Variants in TIGD6 observed in about 807,000 individuals in gnomAD.
TIGD6 encodes tigger transposable element derived 6, also known as tigger transposable element-derived protein 6.
In TIGD6, 1 loss-of-function variant was observed where a neutral mutation model predicts 2.6. The ratio of observed to expected loss-of-function variants is 0.39; its 90% CI spans 0.14 to 1.85. The LOEUF (loss-of-function observed/expected upper bound fraction) is 1.85, where lower values mean the gene tolerates loss of function less well. Ranked by LOEUF, TIGD6 falls within the 40% of genes most tolerant of loss-of-function variation. The probability of loss-of-function intolerance (pLI) is 0.32; values close to 1 mark genes in which losing one functional copy is unlikely to be tolerated. For missense variants in TIGD6, 601 were observed against 634.2 expected (o/e 0.95, Z 0.56); for synonymous variants, 193 against 221.9 (o/e 0.87, Z 1.16).
At chr5:149,998,344 C>CT (rs965341555) in intron 1 of TIGD6, among the ~76,000 whole-genome samples, 39 of 148,442 alleles carry the variant, frequency 2.6e-4, no homozygotes, top group Non-Finnish European at 4.5e-4. Context: ...TCTTTTTTTC[C>CT]TTTTTTTTTT....
chr5:149,996,236 C>A lies in TIGD6; in HGVS notation c.113G>T (p.Gly38Val). Residue 38 changes from glycine to valine, a missense_variant, in exon 2 of 2, where the codon GGT (glycine) becomes GTT (valine). By Grantham distance (109) the Gly-to-Val change is moderately radical. Transcript: ENST00000296736. The stretch of plus-strand genomic sequence containing the variant: ...TGTAGATAAAGTAGAGGGAGTGATA[C>A]CAAATTCTTTTGCCACATCACCTTT... ...KRKGDVAKEF[G>V]ITPSTLSTFL... 6.2e-7 allele frequency: 1 copy of A among 1,614,138 alleles called. No individual in the cohort carries two copies. The highest frequency in any genetic ancestry group is 8.5e-7 in the Non-Finnish European group (1 of 1,180,044).
rs1482005946 is a variant in TIGD6, at chr5:149,998,261, G to A, written c.-81-1832C>T. ...GTGGAAAATGGATCAAAGAGGCAAA[G>A]AGACCAATTAGGTGACAGATTATGG... On this transcript the variant is annotated intron_variant, in intron 1 of 1. Coordinates refer to ENST00000296736, the MANE Select transcript of TIGD6 (RefSeq NM_030953.4). Among the ~76,000 whole-genome samples the A allele has an allele frequency of 3.3e-5, 5 of 152,226 alleles. No homozygotes were observed. In the East Asian group the frequency reaches 7.7e-4, roughly 23 times the overall value.
Position 149,994,754 on chromosome 5 carries a change from A to T in TIGD6, c.*29T>A. The T allele has an allele frequency of 6.7e-7, 1 of 1,492,600 alleles. No individual in the cohort carries two copies. 92.5% of individuals were successfully genotyped at this position (1,492,600 alleles called of 1,614,324 possible). A position where few individuals can be genotyped will look rare whatever the true frequency, so the allele number is the denominator to read the frequency against. ...ATCTAAAGAAATCTTTATTCTTGTA[A>T]ACTACATTTTCTGAAATAAATTCCT... On this transcript the variant is annotated 3_prime_UTR_variant, in exon 2 of 2. Coordinates refer to ENST00000296736, the MANE Select transcript of TIGD6 (RefSeq NM_030953.4).
At chr5:149,998,295 A>G (rs1251169402) in intron 1 of TIGD6, among the ~76,000 whole-genome samples, 2 of 152,144 alleles carry the variant, frequency 1.3e-5, no homozygotes, top group African/African-American at 4.8e-5. Context: ...GGCAGAAGTG[A>G]TGGGCAGGTT....
At chr5:150,000,236 C>T in intron 1 of TIGD6, 1 of 154,464 alleles carries the variant, frequency 6.5e-6, no homozygotes, top group Non-Finnish European at 1.5e-5. Flanking sequence ...TATTCGTGGG[C>T]CAGTGGGAGA....
rs1369162794 is a variant in TIGD6 at position 149,995,783 on chromosome 5, G to A, written c.566C>T (p.Pro189Leu). ...TCCTTTAGCAGCAAGTGTGTGCTGGGGAAGCAACTGGAAAAACACTCCTGT... is the reference window on the plus strand; with the variant it reads ...TCCTTTAGCAGCAAGTGTGTGCTGGAGAAGCAACTGGAAAAACACTCCTGT... The part of the protein sequence containing the change: ...DETGVFFQLL[P>L]QHTLAAKGDH... Residue 189 changes from proline to leucine, a missense_variant, in exon 2 of 2, where the codon CCC becomes CTC. By Grantham distance (98) the Pro-to-Leu change is moderately conservative (BLOSUM62 -3). Transcript: ENST00000296736. The A allele has an allele frequency of 2.5e-6, 4 of 1,614,174 alleles. No individual in the cohort carries two copies. The highest frequency in any genetic ancestry group is 8.5e-7 in the Non-Finnish European group (1 of 1,180,028).
In TIGD6 at chr5:149,994,954, G is replaced by A. The variant is rs779531027; in HGVS notation, c.1395C>T (p.Thr465=). ...EVSLPEQPKV[T]ITEAISSVQK... Reference sequence around the variant, plus strand: ...GTACACTTGATATGGCTTCTGTGATGGTGACTTTTGGTTGCTCTGGTAAAG... The same window carrying A: ...GTACACTTGATATGGCTTCTGTGATAGTGACTTTTGGTTGCTCTGGTAAAG... Residue 465 remains threonine (T), a synonymous_variant, in exon 2 of 2, where the codon ACC becomes ACT. Transcript: ENST00000296736. The A allele has an allele frequency of 5.6e-6, 9 of 1,612,704 alleles. No homozygotes were observed. Among genetic ancestry groups the A allele is most frequent in the Non-Finnish European group, 7.6e-6 (9 of 1,178,892 alleles).
At chr5:149,997,327 C>G (rs1372953139) in intron 1 of TIGD6, among the ~76,000 whole-genome samples, 1 of 152,104 alleles carries the variant, frequency 6.6e-6, no homozygotes, top group Non-Finnish European at 1.5e-5. Flanking sequence ...TTTGGGAGGC[C>G]AAGGCGGCCA....
At position 149,993,591 on chromosome 5, in the gene TIGD6, T is replaced by G. The variant is rs1156261191; in HGVS notation, c.*1192A>C. The G allele has an allele frequency of 6.6e-6, 1 of 152,136 alleles. No individual in the cohort carries two copies. The highest frequency in any genetic ancestry group is 2.4e-5 in the African/African-American group (1 of 41,436). The allele number at this position is 152,136 out of a possible 1,614,324, so 9.4% of individuals were successfully genotyped here. On this transcript the variant is annotated 3_prime_UTR_variant, in exon 2 of 2. Transcript: ENST00000296736. Reference sequence around the variant, plus strand: ...TCCATGTCTTATTAATTTTTTTTTTTTTAGAGATGGGGGTCTCGCTGTGTT... The same window carrying G: ...TCCATGTCTTATTAATTTTTTTTTTGTTAGAGATGGGGGTCTCGCTGTGTT...
intron 1 of TIGD6, among the ~76,000 whole-genome samples, chr5:149,997,992 T>C: frequency 6.6e-6 from 1 of 151,552 alleles, no homozygotes. Context: ...TAACTGGGTG[T>C]GGTGGCGCAT....
Position 149,995,418 on chromosome 5 carries a change from G to C in TIGD6, c.931C>G (p.Leu311Val), listed in dbSNP as rs780954678. The change falls in exon 2 of 2, where the codon CTG (leucine) becomes GTG (valine). Residue 311 changes from leucine (L) to valine (V), a missense_variant. Leu to Val is a conservative substitution (Grantham distance 32). Coordinates refer to ENST00000296736, the MANE Select transcript of TIGD6 (RefSeq NM_030953.4). ...GYLPSNCTAV[L>V]QPLNLGIIHT... is the part of the protein sequence containing the mutation. ...ATTATGCCAAGATTCAGTGGCTGCA[G>C]GACAGCAGTACAGTTGGAGGGCAGA... 3.1e-6 allele frequency: 5 copies of C among 1,614,268 alleles called. No individual in the cohort carries two copies. The highest frequency in any genetic ancestry group is 4.2e-6 in the Non-Finnish European group (5 of 1,180,054).
Position 149,996,089 on chromosome 5 carries a change from T to C in TIGD6, c.260A>G (p.Gln87Arg). Residue 87 changes from glutamine (Q) to arginine (R), a missense_variant, in exon 2 of 2, where the codon CAA (glutamine) becomes CGA (arginine). Coordinates refer to ENST00000296736, the MANE Select transcript of TIGD6 (RefSeq NM_030953.4). Reference protein sequence around the residue: ...DIDKAVFAWFQEIHAKNILVT... With the variant: ...DIDKAVFAWFREIHAKNILVT... ...AAGAATGTTTTTGGCATGGATTTCT[T>C]GAAACCAAGCAAAAACAGCCTTATC... The C allele has an allele frequency of 6.2e-7, 1 of 1,614,102 alleles. No homozygotes were observed.
rs1382491914 is a variant in TIGD6, at chr5:149,995,084, G to C, written c.1265C>G (p.Thr422Ser). 1.2e-6 allele frequency: 2 copies of C among 1,614,116 alleles called. No individual in the cohort carries two copies. Among genetic ancestry groups the C allele is most frequent in the African/African-American group, 2.7e-5 (2 of 74,926 alleles). ...AGAGATAATGAGATCATCATCTGCA[G>C]TAACAAAGTCCTGGAAATTTACTTC... is the stretch of plus-strand genomic sequence containing the variant. ...PNEVNFQDFV[T>S]ADDDLIISQD... is the part of the protein sequence containing the mutation. The change falls in exon 2 of 2, where the codon ACT (threonine) becomes AGT (serine). Residue 422 changes from threonine to serine, a missense_variant. Transcript: ENST00000296736.
At position 149,993,140 on chromosome 5, in the gene TIGD6, AGTTT is replaced by A. The variant is rs1282065614; in HGVS notation, c.*1639_*1642del. ...TACTTTTAATTCAAATGATCATATT[AGTTT>A]ATTAAAAGAAAAAATATCCAAAATA... On this transcript the variant is annotated 3_prime_UTR_variant, in exon 2 of 2. Transcript: ENST00000296736. 1 of 152,228 alleles carries A rather than the reference AGTTT, an allele frequency of 6.6e-6. No individual in the cohort carries two copies. Among genetic ancestry groups the A allele is most frequent in the African/African-American group, 2.4e-5 (1 of 41,458 alleles). The allele number at this position is 152,228 out of a possible 1,614,324, so 9.4% of individuals were successfully genotyped here. A position where few individuals can be genotyped will look rare whatever the true frequency, so the allele number is the denominator to read the frequency against.
rs748095112 is a variant in TIGD6 at position 149,995,282 on chromosome 5, A to G, written c.1067T>C (p.Ile356Thr). 3.9e-5 allele frequency: 63 copies of G among 1,612,202 alleles called. 1 individual carries two copies. In the South Asian group the frequency reaches 5.4e-4, roughly 14 times the overall value. Residue 356 changes from isoleucine (I) to threonine (T), a missense_variant, in exon 2 of 2, where the codon ATT (isoleucine) becomes ACT (threonine). Ile to Thr is a moderately conservative substitution (Grantham distance 89). Transcript: ENST00000296736. ...CTTGACTGACCACCACGCTGCAGCAATCATGTCGATGGCCTGCTTGATGTC... is the reference window on the plus strand; with the variant it reads ...CTTGACTGACCACCACGCTGCAGCAGTCATGTCGATGGCCTGCTTGATGTC... ...EVDIKQAIDM[I>T]AAAWWSVKPS...
chr5:149,998,354 T>TA (rs1755447702), intron 1 of TIGD6, among the ~76,000 whole-genome samples: 2 of 152,110 alleles, frequency 1.3e-5, no homozygotes, highest in Non-Finnish European at 2.9e-5. Context: ...CTTTTTTTTT[T>TA]AATACATATT....
At chr5:149,997,716 T>G (rs1423977958) in intron 1 of TIGD6, among the ~76,000 whole-genome samples, 1 of 151,682 alleles carries the variant, frequency 6.6e-6, no homozygotes, top group Non-Finnish European at 1.5e-5. Flanking sequence ...TCCCAGCACT[T>G]TGGGAGGCCG....
Position 149,994,625 on chromosome 5 carries a change from C to A in TIGD6, c.*158G>T. The A allele has an allele frequency of 1.5e-6, 1 of 660,338 alleles. No homozygotes were observed. The highest frequency in any genetic ancestry group is 2.3e-6 in the Non-Finnish European group (1 of 432,574). The allele number at this position is 660,338 out of a possible 1,614,324, so 40.9% of individuals were successfully genotyped here. ...CAGCCAAAAACAAAAGAAAAGAAAA[C>A]ACACATATTAGTCAAATTCCATTCA... On this transcript the variant is annotated 3_prime_UTR_variant, in exon 2 of 2. Coordinates refer to ENST00000296736, the MANE Select transcript of TIGD6 (RefSeq NM_030953.4).
chr5:149,995,484 G>A lies in TIGD6; in HGVS notation c.865C>T (p.His289Tyr). Residue 289 changes from histidine to tyrosine, a missense_variant, in exon 2 of 2, where the codon CAT becomes TAT. By Grantham distance (83) the His-to-Tyr change is moderately conservative. Transcript: ENST00000296736. ...ILLLIDNCSA[H>Y]NMLPHLERIQ... Reference sequence around the variant, plus strand: ...CTTTCCAAGTGTGGAAGCATGTTATGAGCAGAGCAGTTGTCTATGAGCAAG... The same window carrying A: ...CTTTCCAAGTGTGGAAGCATGTTATAAGCAGAGCAGTTGTCTATGAGCAAG... The A allele has an allele frequency of 6.2e-7, 1 of 1,614,276 alleles. No individual in the cohort carries two copies. Among genetic ancestry groups the A allele is most frequent in the Non-Finnish European group, 8.5e-7 (1 of 1,180,052 alleles).
Sources: gnomAD v4.1 joint callset for allele counts (sites outside exome capture counted in the v4.1 genomes callset) on GRCh38, gnomAD v4.1.1 for gene constraint, MANE v1.5 for transcripts, NCBI Gene and HGNC (gene_info 2026-07-23, HGNC 2026-07-21) for gene names.